Variants in NRG3 observed in about 807,000 individuals in gnomAD.
NRG3 encodes neuregulin 3.
A neutral mutation model predicts 66.9 loss-of-function variants in NRG3; 31 were observed. The observed-to-expected ratio is 0.46, with a 90% CI of 0.35 to 0.63. The LOEUF (loss-of-function observed/expected upper bound fraction) is 0.63. Among genes scored for constraint, NRG3 ranks in the 20% least tolerant of loss-of-function variants. The pLI is 0.00. For missense variants in NRG3, 910 were observed against 878.9 expected (o/e 1.04, Z -0.45); for synonymous variants, 393 against 359.4 (o/e 1.09, Z -1.06).
At chr10:82,296,448 A>G (rs1013728145) in intron 1 of NRG3, among the ~76,000 whole-genome samples, 1 of 152,120 alleles carries the variant, frequency 6.6e-6, no homozygotes, top group Non-Finnish European at 1.5e-5. Context: ...GGCTAAGATG[A>G]TGGTGGTGGT....
intron 1 of NRG3, among the ~76,000 whole-genome samples, chr10:82,102,482 G>A (rs1359850671): frequency 2.0e-5 from 3 of 150,640 alleles, no homozygotes; most frequent in South Asian, 2.1e-4. Flanking sequence ...TTTTATTTAG[G>A]TTTAGCTTTT....
intron 1 of NRG3, chr10:81,878,135 C>T (rs767309396): frequency 4.8e-6 from 7 of 1,454,234 alleles, no homozygotes; most frequent in South Asian, 1.4e-5. Flanking sequence ...TCCTACATTC[C>T]GTGGACGGGA....
intron 2 of NRG3, among the ~76,000 whole-genome samples, chr10:82,453,697 A>G (rs78453533): frequency 6.6e-6 from 1 of 151,510 alleles, no homozygotes; most frequent in South Asian, 2.1e-4. Context: ...AAAAAAAAAA[A>G]CCTAGTTTGA....
intron 2 of NRG3, among the ~76,000 whole-genome samples, chr10:82,462,883 T>C (rs2091586104): frequency 6.6e-6 from 1 of 152,208 alleles, no homozygotes; most frequent in African/African-American, 2.4e-5. Flanking sequence ...TTTCCTATTT[T>C]GTTGATGTGA....
intron 3 of NRG3, among the ~76,000 whole-genome samples, chr10:82,851,593 T>TA (rs1384859639): frequency 6.6e-6 from 1 of 152,194 alleles, no homozygotes; most frequent in Non-Finnish European, 1.5e-5. Flanking sequence ...AAGGATTGGA[T>TA]AACCTCAAAT....
intron 2 of NRG3, among the ~76,000 whole-genome samples, chr10:82,555,179 G>GT (rs2044571372): frequency 6.6e-6 from 1 of 152,070 alleles, no homozygotes; most frequent in Non-Finnish European, 1.5e-5. Flanking sequence ...CTATTTCTTA[G>GT]TTTTTTCTAT....
At chr10:82,334,040 G>T (rs1176188027) in intron 1 of NRG3, among the ~76,000 whole-genome samples, 1 of 151,712 alleles carries the variant, frequency 6.6e-6, no homozygotes, top group Non-Finnish European at 1.5e-5. Flanking sequence ...CCTGGTGGCG[G>T]GCGCCTGTAG....
chr10:82,326,970 G>A lies in NRG3; in HGVS notation c.824-31769G>A, dbSNP rs200761177. 2.4e-4 allele frequency among the ~76,000 whole-genome samples: 37 copies of A among 152,304 alleles called. 1 individual carries two copies. Among genetic ancestry groups the A allele is most frequent in the East Asian group, 1.7e-3 (9 of 5,190 alleles). ...AAGACAGCTTAGTATATTCTTTGAA[G>A]CATCTTAATTAGTAAAGGCTAGTAT... On this transcript the variant is annotated intron_variant, in intron 1 of 8. Coordinates refer to ENST00000372141, the MANE Select transcript of NRG3 (RefSeq NM_001010848.4).
chr10:82,423,848 T>A (rs2089241573), intron 2 of NRG3, among the ~76,000 whole-genome samples: 1 of 152,020 alleles, frequency 6.6e-6, no homozygotes, highest in South Asian at 2.1e-4. Context: ...CTAATCTACG[T>A]ATGTATTTGT....
intron 2 of NRG3, among the ~76,000 whole-genome samples, chr10:82,393,331 C>T (rs1384611449): frequency 2.0e-5 from 3 of 152,094 alleles, no homozygotes; most frequent in East Asian, 1.9e-4. Flanking sequence ...TTTCAAAGAC[C>T]GAGGAGACAG....
rs181187244 is a variant in NRG3 at position 82,925,852 on chromosome 10, G to A, written c.1055-25617G>A. ...ACCTATTGCCTTAGTCTTTCCCAGA[G>A]AGAGGCTTGCCCTACACCCCCTTTT... is the stretch of plus-strand genomic sequence containing the variant. On this transcript the variant is annotated intron_variant, in intron 4 of 8. Coordinates refer to ENST00000372141, the MANE Select transcript of NRG3 (RefSeq NM_001010848.4). Among the ~76,000 whole-genome samples, 230 of 152,342 alleles carry A rather than the reference G, an allele frequency of 1.5e-3. 2 individuals are homozygous for A. The highest frequency in any genetic ancestry group is 5.4e-3 in the African/African-American group (225 of 41,580).
intron 3 of NRG3, among the ~76,000 whole-genome samples, chr10:82,770,143 C>T (rs1393240133): frequency 6.6e-6 from 1 of 152,032 alleles, no homozygotes; most frequent in Non-Finnish European, 1.5e-5. Context: ...TCTTACTCTC[C>T]ATTCTGTTTT....
chr10:82,473,163 G>A (rs746324486), intron 2 of NRG3, among the ~76,000 whole-genome samples: 54 of 152,164 alleles, frequency 3.5e-4, no homozygotes, highest in African/African-American at 1.1e-3. Flanking sequence ...ATGTCTGTGC[G>A]CACCAGCTTG....
intron 1 of NRG3, among the ~76,000 whole-genome samples, chr10:82,071,780 A>G (rs182074919): frequency 6.6e-6 from 1 of 152,132 alleles, no homozygotes; most frequent in African/African-American, 2.4e-5. Flanking sequence ...AGCCAAGGAG[A>G]CCATTTAAGA....
At position 82,986,547 on chromosome 10, in the gene NRG3, T is replaced by C. The variant is rs1403391311; in HGVS notation, c.*942T>C. 3 of 152,210 alleles carry C rather than the reference T, an allele frequency of 2.0e-5. No homozygotes were observed. The highest frequency in any genetic ancestry group is 4.4e-5 in the Non-Finnish European group (3 of 68,036). 9.4% of individuals were successfully genotyped at this position (152,210 alleles called of 1,614,324 possible). A position where few individuals can be genotyped will look rare whatever the true frequency, so the allele number is the denominator to read the frequency against. On this transcript the variant is annotated 3_prime_UTR_variant, in exon 9 of 9. Coordinates refer to ENST00000372141, the MANE Select transcript of NRG3 (RefSeq NM_001010848.4). ...TCAGAAAAATTATTTCCCTCTTAGA[T>C]CTTTTCACTTTAAATTTTTCCATTA...
chr10:82,954,063 C>T (rs965106768), intron 5 of NRG3, among the ~76,000 whole-genome samples: 15 of 151,752 alleles, frequency 9.9e-5, no homozygotes, highest in African/African-American at 2.2e-4. Context: ...TGGTTTTCCA[C>T]ACTAGAACTT....
chr10:82,860,424 T>C (rs2064061172), intron 3 of NRG3, among the ~76,000 whole-genome samples: 2 of 152,288 alleles, frequency 1.3e-5, no homozygotes, highest in South Asian at 4.1e-4. Context: ...AGGAAGGGGG[T>C]AAGTAAACTT....
chr10:82,195,782 G>C (rs1245282501), intron 1 of NRG3, among the ~76,000 whole-genome samples: 1 of 152,174 alleles, frequency 6.6e-6, no homozygotes. Flanking sequence ...GCTCGTATAA[G>C]TAAACCAGAG....
intron 2 of NRG3, among the ~76,000 whole-genome samples, chr10:82,622,105 T>A (rs1388786596): frequency 6.6e-6 from 1 of 152,134 alleles, no homozygotes; most frequent in East Asian, 1.9e-4. Context: ...TGCAAGGAGG[T>A]AAGACTACCT....
Sources: gnomAD v4.1 joint callset for allele counts (sites outside exome capture counted in the v4.1 genomes callset) on GRCh38, gnomAD v4.1.1 for gene constraint, MANE v1.5 for transcripts, NCBI Gene and HGNC (gene_info 2026-07-23, HGNC 2026-07-21) for gene names.